The following CEBPA variants were observed in gnomAD, a reference collection of about 807,000 sequenced individuals.
CEBPA encodes CCAAT enhancer binding protein alpha, also known as CCAAT/enhancer-binding protein alpha.
CEBPA carries 2 observed loss-of-function variants against 5.1 expected under a neutral mutation model. The ratio of observed to expected loss-of-function variants is 0.39; its 90% CI spans 0.16 to 1.23. The LOEUF is 1.23. CEBPA is among the 50% of genes most tolerant of loss of function. CEBPA has a pLI of 0.34. For missense variants in CEBPA, 455 were observed against 537.4 expected (o/e 0.85, Z 1.52); for synonymous variants, 275 against 264.1 (o/e 1.04, Z -0.40).
rs1555742279 is a variant in CEBPA at position 33,302,256 on chromosome 19, G to A, written c.159C>T (p.Gly53=). The change falls in exon 1 of 1, where the codon GGC becomes GGT. Residue 53 remains glycine (G), a synonymous_variant. Coordinates refer to ENST00000498907, the MANE Select transcript of CEBPA (RefSeq NM_004364.5). ...TGGACGTCTCGTGCTCGCAGATGCC[G>A]CCCAGCGGCTCCGGGGCGGCAGGTG... ...PAPPAAPEPL[G]GICEHETSID... is the part of the protein sequence containing the mutation. 2 of 1,487,446 alleles carry A rather than the reference G, an allele frequency of 1.3e-6. No individual in the cohort carries two copies. Among genetic ancestry groups the A allele is most frequent in the Non-Finnish European group, 1.8e-6 (2 of 1,115,022 alleles). 92.1% of individuals were successfully genotyped at this position (1,487,446 alleles called of 1,614,324 possible).
Position 33,300,330 on chromosome 19 carries a change from C to T in CEBPA, c.*1008G>A, listed in dbSNP as rs906813267. The T allele has an allele frequency of 8.6e-6, 2 of 233,788 alleles. No individual in the cohort carries two copies. Among genetic ancestry groups the T allele is most frequent in the Non-Finnish European group, 1.7e-5 (2 of 118,070 alleles). 14.5% of individuals were successfully genotyped at this position (233,788 alleles called of 1,614,324 possible). On this transcript the variant is annotated 3_prime_UTR_variant, in exon 1 of 1. Coordinates refer to ENST00000498907, the MANE Select transcript of CEBPA (RefSeq NM_004364.5). ...AAATAAAATGGTGGTTTAGCAGAGA[C>T]GCGCACATTCACATTGCACAAGGCA...
chr19:33,300,762 C>T lies in CEBPA; in HGVS notation c.*576G>A, dbSNP rs1270150437. 1 of 235,042 alleles carries T rather than the reference C, an allele frequency of 4.3e-6. No individual in the cohort carries two copies. Among genetic ancestry groups the T allele is most frequent in the Non-Finnish European group, 8.4e-6 (1 of 118,974 alleles). The allele number at this position is 235,042 out of a possible 1,614,324, so 14.6% of individuals were successfully genotyped here. A position where few individuals can be genotyped will look rare whatever the true frequency, so the allele number is the denominator to read the frequency against. ...GTGGGAGAGGCGTGGAACTAGAGAC[C>T]CTCCACCTTCATGTAGAACTAGGGG... On this transcript the variant is annotated 3_prime_UTR_variant, in exon 1 of 1. Transcript: ENST00000498907.
chr19:33,300,289 A>C lies in CEBPA; in HGVS notation c.*1049T>G. The C allele has an allele frequency of 4.3e-6, 1 of 233,772 alleles. No homozygotes were observed. Among genetic ancestry groups the C allele is most frequent in the Non-Finnish European group, 8.5e-6 (1 of 118,066 alleles). The allele number at this position is 233,772 out of a possible 1,614,324, so 14.5% of individuals were successfully genotyped here. On this transcript the variant is annotated 3_prime_UTR_variant, in exon 1 of 1. Transcript: ENST00000498907. ...TTTGGCAAGTATCCGAGCAAAACCA[A>C]AACAAAACAAAAACCAAATAAAATG...
Position 33,301,588 on chromosome 19 carries a change from T to C in CEBPA, c.827A>G (p.Lys276Arg), listed in dbSNP as rs201061067. The change falls in exon 1 of 1, where the codon AAG becomes AGG. Residue 276 changes from lysine (K) to arginine (R), a missense_variant. Lys to Arg is a conservative substitution (Grantham distance 26, BLOSUM62 2). Coordinates refer to ENST00000498907, the MANE Select transcript of CEBPA (RefSeq NM_004364.5). This position sits in a 1 kb window ranked among gnomAD's most constrained non-coding sequence, Gnocchi z 6.0. ...SGGSGAGKAK[K>R]SVDKNSNEYR... ...CTCGTTGCTGTTCTTGTCCACCGAC[T>C]TCTTGGCCTTGCCCGCGCCGCTGCC... The C allele has an allele frequency of 1.2e-4, 200 of 1,608,950 alleles. No individual in the cohort carries two copies. The highest frequency in any genetic ancestry group is 1.6e-4 in the Non-Finnish European group (186 of 1,178,690).
At position 33,302,049 on chromosome 19, in the gene CEBPA, C is replaced by T. The variant is rs1303743272; in HGVS notation, c.366G>A (p.Gly122=). ...AGCCGGGCGGGGGCCCGTGCGCTCC[C>T]CCGGGCATGACGGCGCCGCCGGGGC... The part of the protein sequence containing the change: ...PAGPGGAVMP[G]GAHGPPPGYG... Residue 122 remains glycine, a synonymous_variant, in exon 1 of 1, where the codon GGG becomes GGA. Transcript: ENST00000498907. 1.7e-6 allele frequency: 2 copies of T among 1,204,230 alleles called. No individual in the cohort carries two copies. Among genetic ancestry groups the T allele is most frequent in the Non-Finnish European group, 2.1e-6 (2 of 966,864 alleles). 74.6% of individuals were successfully genotyped at this position (1,204,230 alleles called of 1,614,324 possible).
chr19:33,301,083 G>A lies in CEBPA; in HGVS notation c.*255C>T, dbSNP rs926985606. On this transcript the variant is annotated 3_prime_UTR_variant, in exon 1 of 1. Coordinates refer to ENST00000498907, the MANE Select transcript of CEBPA (RefSeq NM_004364.5). This position sits in a 1 kb window ranked among gnomAD's most constrained non-coding sequence, Gnocchi z 6.0. ...GTTATCCTAAATACTAGAGTTGCCG[G>A]GCTCCCAGCTCAGCCCCAAGAATTC... 1 of 604,818 alleles carries A rather than the reference G, an allele frequency of 1.7e-6. No individual in the cohort carries two copies. Among genetic ancestry groups the A allele is most frequent in the African/African-American group, 1.9e-5 (1 of 54,014 alleles). 37.5% of individuals were successfully genotyped at this position (604,818 alleles called of 1,614,324 possible). A position where few individuals can be genotyped will look rare whatever the true frequency, so the allele number is the denominator to read the frequency against.
Position 33,302,352 on chromosome 19 carries a change from G to C in CEBPA, c.63C>G (p.Ser21Arg), listed in dbSNP as rs867113214. The C allele has an allele frequency of 3.7e-6, 5 of 1,340,604 alleles. No homozygotes were observed. The highest frequency in any genetic ancestry group is 4.8e-6 in the Non-Finnish European group (5 of 1,046,696). The allele number at this position is 1,340,604 out of a possible 1,614,324, so 83.0% of individuals were successfully genotyped here. The change falls in exon 1 of 1, where the codon AGC (serine) becomes AGG (arginine). Residue 21 changes from serine (S) to arginine (R), a missense_variant. Coordinates refer to ENST00000498907, the MANE Select transcript of CEBPA (RefSeq NM_004364.5). Reference protein sequence around the residue: ...PRPPMSSHLQSPPHAPSSAAF... With the variant: ...PRPPMSSHLQRPPHAPSSAAF... Reference sequence around the variant, plus strand: ...CGGCGCTGCTGGGCGCGTGCGGGGGGCTCTGCAGGTGGCTGCTCATCGGGG... The same window carrying C: ...CGGCGCTGCTGGGCGCGTGCGGGGGCCTCTGCAGGTGGCTGCTCATCGGGG...
chr19:33,301,738 G>T lies in CEBPA; in HGVS notation c.677C>A (p.Thr226Lys). 8.6e-7 allele frequency: 1 copy of T among 1,161,082 alleles called. No individual in the cohort carries two copies. The highest frequency in any genetic ancestry group is 1.1e-6 in the Non-Finnish European group (1 of 943,482). 71.9% of individuals were successfully genotyped at this position (1,161,082 alleles called of 1,614,324 possible). Residue 226 changes from threonine to lysine, a missense_variant, in exon 1 of 1, where the codon ACG becomes AAG. By Grantham distance (78) the Thr-to-Lys change is moderately conservative. This residue lies in a region of CEBPA where 118 missense variants were observed against 189.3 expected (regional missense o/e 0.62). Coordinates refer to ENST00000498907, the MANE Select transcript of CEBPA (RefSeq NM_004364.5). This position sits in a 1 kb window ranked among gnomAD's most constrained non-coding sequence, Gnocchi z 6.0. The stretch of plus-strand genomic sequence containing the variant: ...GCTGGGCACGGGCGTGGGCGGCGGC[G>T]TGGGGTGACCGGGCTGCAGGTGCAT... ...TTMHLQPGHP[T>K]PPPTPVPSPH... is the part of the protein sequence containing the mutation.
chr19:33,301,953 C>T lies in CEBPA; in HGVS notation c.462G>A (p.Ala154=), dbSNP rs1481499354. 1.6e-6 allele frequency: 2 copies of T among 1,236,294 alleles called. No homozygotes were observed. Among genetic ancestry groups the T allele is most frequent in the East Asian group, 3.6e-5 (1 of 27,798 alleles). The allele number at this position is 1,236,294 out of a possible 1,614,324, so 76.6% of individuals were successfully genotyped here. A position where few individuals can be genotyped will look rare whatever the true frequency, so the allele number is the denominator to read the frequency against. The part of the protein sequence containing the change: ...EPLYERVGAP[A]LRPLVIKQEP... ...CCTGCTTGATCACCAGCGGCCGCAG[C>T]GCCGGCGCCCCGACGCGCTCGTACA... Residue 154 remains alanine, a synonymous_variant, in exon 1 of 1, where the codon GCG becomes GCA. Transcript: ENST00000498907. The surrounding 1 kb of genome is among the most constrained non-coding windows in gnomAD (Gnocchi z 6.0).
chr19:33,302,232 G>A lies in CEBPA; in HGVS notation c.183C>T (p.Ser61=), dbSNP rs2145263896. The A allele has an allele frequency of 6.7e-7, 1 of 1,495,402 alleles. No homozygotes were observed. Among genetic ancestry groups the A allele is most frequent in the East Asian group, 2.9e-5 (1 of 34,860 alleles). The allele number at this position is 1,495,402 out of a possible 1,614,324, so 92.6% of individuals were successfully genotyped here. A position where few individuals can be genotyped will look rare whatever the true frequency, so the allele number is the denominator to read the frequency against. Reference sequence around the variant, plus strand: ...GGTCGATGTAGGCGCTGATGTCGATGGACGTCTCGTGCTCGCAGATGCCGC... The same window carrying A: ...GGTCGATGTAGGCGCTGATGTCGATAGACGTCTCGTGCTCGCAGATGCCGC... ...PLGGICEHET[S]IDISAYIDPA... Residue 61 remains serine, a synonymous_variant, in exon 1 of 1, where the codon TCC becomes TCT. Coordinates refer to ENST00000498907, the MANE Select transcript of CEBPA (RefSeq NM_004364.5).
rs780345232 is a variant in CEBPA at position 33,302,101 on chromosome 19, T to TCGCCGCCGC, written c.305_313dup (p.Gly102_Gly104dup). On this transcript the variant is annotated inframe_insertion, in exon 1 of 1. Coordinates refer to ENST00000498907, the MANE Select transcript of CEBPA (RefSeq NM_004364.5). ...CGCGGGCGCGCCCGGGTAGTCAAAGTCGCCGCCGCCGCCGCCGCCCGTGGG... is the reference window on the plus strand; with the variant it reads ...CGCGGGCGCGCCCGGGTAGTCAAAGTCGCCGCCGCCGCCGCCGCCGCCGCCGCCCGTGGG... 4.5e-6 allele frequency: 6 copies of TCGCCGCCGC among 1,322,138 alleles called. No homozygotes were observed. In the Admixed American group the frequency reaches 1.0e-4, roughly 22 times the overall value. The allele number at this position is 1,322,138 out of a possible 1,614,324, so 81.9% of individuals were successfully genotyped here. A position where few individuals can be genotyped will look rare whatever the true frequency, so the allele number is the denominator to read the frequency against.
In CEBPA at chr19:33,301,887, G is replaced by C. The variant is rs2145261618; in HGVS notation, c.528C>G (p.Ala176=). Residue 176 remains alanine (A), a synonymous_variant, in exon 1 of 1, where the codon GCC becomes GCG. Transcript: ENST00000498907. The surrounding 1 kb of genome is among the most constrained non-coding windows in gnomAD (Gnocchi z 6.0). ...EEDEAKQLAL[A]GLFPYQPPPP... is the part of the protein sequence containing the mutation. ...GCGGCGGCTGGTAAGGGAAGAGGCC[G>C]GCCAGCGCCAGCTGCTTGGCTTCAT... 6 of 1,325,506 alleles carry C rather than the reference G, an allele frequency of 4.5e-6. No individual in the cohort carries two copies. Among genetic ancestry groups the C allele is most frequent in the Non-Finnish European group, 5.8e-6 (6 of 1,031,924 alleles). 82.1% of individuals were successfully genotyped at this position (1,325,506 alleles called of 1,614,324 possible).
In CEBPA at chr19:33,302,227, T is replaced by C; in HGVS notation, c.188A>G (p.Asp63Gly). Residue 63 changes from aspartate (D) to glycine (G), a missense_variant, in exon 1 of 1, where the codon GAC becomes GGC. Physicochemically the swap from Asp to Gly is moderately conservative, Grantham distance 94. Around this residue, in one of 5 missense-constraint regions of CEBPA, gnomAD observed 143 missense variants for 153.9 expected, o/e 0.93. Transcript: ENST00000498907. ...GGICEHETSI[D>G]ISAYIDPAAF... ...GGCCGGGTCGATGTAGGCGCTGATG[T>C]CGATGGACGTCTCGTGCTCGCAGAT... 1 of 1,495,892 alleles carries C rather than the reference T, an allele frequency of 6.7e-7. No individual in the cohort carries two copies. Among genetic ancestry groups the C allele is most frequent in the Non-Finnish European group, 8.9e-7 (1 of 1,119,858 alleles). 92.7% of individuals were successfully genotyped at this position (1,495,892 alleles called of 1,614,324 possible).
chr19:33,302,531 G>T lies in CEBPA; in HGVS notation c.-117C>A. ...CCGCGCCCGCGCACCTCCGGGTCGC[G>T]AATGGCCCGGCCCGCGCCGGCCCAG... On this transcript the variant is annotated 5_prime_UTR_variant, in exon 1 of 1. Coordinates refer to ENST00000498907, the MANE Select transcript of CEBPA (RefSeq NM_004364.5). 2 of 540,170 alleles carry T rather than the reference G, an allele frequency of 3.7e-6. No individual in the cohort carries two copies. Among genetic ancestry groups the T allele is most frequent in the East Asian group, 3.8e-5 (1 of 26,438 alleles). 33.5% of individuals were successfully genotyped at this position (540,170 alleles called of 1,614,324 possible). A position where few individuals can be genotyped will look rare whatever the true frequency, so the allele number is the denominator to read the frequency against.
At position 33,301,501 on chromosome 19, in the gene CEBPA, T is replaced by A. The variant is rs1479225242; in HGVS notation, c.914A>T (p.Gln305Leu). 1.2e-6 allele frequency: 2 copies of A among 1,613,672 alleles called. No homozygotes were observed. Among genetic ancestry groups the A allele is most frequent in the South Asian group, 2.2e-5 (2 of 91,088 alleles). The change falls in exon 1 of 1, where the codon CAG becomes CTG. Residue 305 changes from glutamine (Q) to leucine (L), a missense_variant. This residue lies in a region of CEBPA where 118 missense variants were observed against 189.3 expected (regional missense o/e 0.62). Transcript: ENST00000498907. The surrounding 1 kb of genome is among the most constrained non-coding windows in gnomAD (Gnocchi z 6.0). ...AVRKSRDKAK[Q>L]RNVETQQKVL... Reference sequence around the variant, plus strand: ...CTTCTGCTGCGTCTCCACGTTGCGCTGCTTGGCCTTGTCGCGGCTCTTGCG... The same window carrying A: ...CTTCTGCTGCGTCTCCACGTTGCGCAGCTTGGCCTTGTCGCGGCTCTTGCG...
Position 33,302,067 on chromosome 19 carries a change from G to T in CEBPA, c.348C>A (p.Gly116=), listed in dbSNP as rs1405076684. 2 of 1,225,794 alleles carry T rather than the reference G, an allele frequency of 1.6e-6. No individual in the cohort carries two copies. Among genetic ancestry groups the T allele is most frequent in the Non-Finnish European group, 2.0e-6 (2 of 978,688 alleles). The allele number at this position is 1,225,794 out of a possible 1,614,324, so 75.9% of individuals were successfully genotyped here. A position where few individuals can be genotyped will look rare whatever the true frequency, so the allele number is the denominator to read the frequency against. Residue 116 remains glycine, a synonymous_variant, in exon 1 of 1, where the codon GGC becomes GGA. Transcript: ENST00000498907. ...FDYPGAPAGP[G]GAVMPGGAHG... The stretch of plus-strand genomic sequence containing the variant: ...GCGCTCCCCCGGGCATGACGGCGCC[G>T]CCGGGGCCCGCGGGCGCGCCCGGGT...
In CEBPA at chr19:33,301,301, C is replaced by A. The variant is rs767166906; in HGVS notation, c.*37G>T. 6.5e-7 allele frequency: 1 copy of A among 1,548,756 alleles called. No homozygotes were observed. Among genetic ancestry groups the A allele is most frequent in the South Asian group, 1.2e-5 (1 of 86,064 alleles). ...CCCAAACCACTCCCTGGGTCCCCGC[C>A]GGAGGCTGGCCCAGGGCGGTCCCAC... On this transcript the variant is annotated 3_prime_UTR_variant, in exon 1 of 1. Coordinates refer to ENST00000498907, the MANE Select transcript of CEBPA (RefSeq NM_004364.5). This position sits in a 1 kb window ranked among gnomAD's most constrained non-coding sequence, Gnocchi z 6.0.
chr19:33,301,554 C>T lies in CEBPA; in HGVS notation c.861G>A (p.Val287=), dbSNP rs981299051. ...CCGCGATGTTGTTGCGCTCGCGCCG[C>T]ACCCGGTACTCGTTGCTGTTCTTGT... The part of the protein sequence containing the change: ...SVDKNSNEYR[V]RRERNNIAVR... The change falls in exon 1 of 1, where the codon GTG becomes GTA. Residue 287 remains valine (V), a synonymous_variant. Coordinates refer to ENST00000498907, the MANE Select transcript of CEBPA (RefSeq NM_004364.5). The surrounding 1 kb of genome is among the most constrained non-coding windows in gnomAD (Gnocchi z 6.0). The T allele has an allele frequency of 4.3e-6, 7 of 1,613,008 alleles. No individual in the cohort carries two copies. The highest frequency in any genetic ancestry group is 4.0e-5 in the African/African-American group (3 of 74,924).
rs1171808859 is a variant in CEBPA, at chr19:33,300,631, G to A, written c.*707C>T. On this transcript the variant is annotated 3_prime_UTR_variant, in exon 1 of 1. Transcript: ENST00000498907. ...CGACCTAGCTTTCTGGTGTGACTCG[G>A]GGTGGGGGCTCCCACTGGTCACCTG... The A allele has an allele frequency of 8.6e-6, 2 of 233,526 alleles. No homozygotes were observed. Among genetic ancestry groups the A allele is most frequent in the Admixed American group, 5.6e-5 (1 of 17,796 alleles). The allele number at this position is 233,526 out of a possible 1,614,324, so 14.5% of individuals were successfully genotyped here.
Sources: allele counts gnomAD v4.1 joint callset, GRCh38; gene constraint gnomAD v4.1.1; regional missense constraint gnomAD v4.1.1; non-coding constraint Gnocchi (gnomAD v3.1); transcripts MANE v1.5; gene names NCBI Gene and HGNC (gene_info 2026-07-23, HGNC 2026-07-21).